The following FBXO31 variants were observed in gnomAD, a reference collection of about 807,000 sequenced individuals.
FBXO31 encodes F-box only protein 31.
In FBXO31, 24 loss-of-function variants were observed where a neutral mutation model predicts 54.4. The ratio of observed to expected loss-of-function variants is 0.44; its 90% CI spans 0.32 to 0.62. The LOEUF (loss-of-function observed/expected upper bound fraction) is 0.62, where lower values mean the gene tolerates loss of function less well. FBXO31 is among the 20% of genes least tolerant of loss of function. The pLI is 0.05. For missense variants in FBXO31, 665 were observed against 787.1 expected (o/e 0.84, Z 1.86); for synonymous variants, 388 against 335.6 (o/e 1.16, Z -1.71).
chr16:87,383,969 C>T, upstream of FBXO31: 1 of 249,822 alleles, frequency 4.0e-6, no homozygotes, highest in Non-Finnish European at 7.5e-6. This position sits in a 1 kb window ranked among gnomAD's most constrained non-coding sequence, Gnocchi z 4.9. Context: ...AGGGCGCCGC[C>T]CGTGACGGGC....
chr16:87,391,538 G>A (rs926433084), upstream of FBXO31: 2 of 152,364 alleles, frequency 1.3e-5, no homozygotes, highest in African/African-American at 4.8e-5. Context: ...AGGGCGGCTA[G>A]CGATGTGGGG....
At chr16:87,354,796 C>T (rs894721372) in intron 2 of FBXO31, among the ~76,000 whole-genome samples, 8 of 152,024 alleles carry the variant, frequency 5.3e-5, no homozygotes, top group African/African-American at 1.2e-4. Flanking sequence ...GGCAAAACCC[C>T]GTCTCTACTA....
At chr16:87,384,180 CTG>C (rs538953710), upstream of FBXO31, 2,305 of 153,030 alleles carry the variant, frequency 0.015, 55 homozygotes, top group African/African-American at 0.053. Flanking sequence ...GCGCCCGAAA[CTG>C]TGCCGCGCCG....
chr16:87,379,746 C>T (rs1906991206), intron 1 of FBXO31, among the ~76,000 whole-genome samples: 1 of 151,934 alleles, frequency 6.6e-6, no homozygotes, highest in Non-Finnish European at 1.5e-5. Flanking sequence ...CACCACCACA[C>T]CCAGCTAATT....
chr16:87,355,811 G>A (rs555402025), intron 2 of FBXO31, among the ~76,000 whole-genome samples: 62 of 152,258 alleles, frequency 4.1e-4, no homozygotes, highest in African/African-American at 1.4e-3. Context: ...CACCTGCCTC[G>A]GGGACAAAAG....
chr16:87,357,683 G>A (rs1490970718), intron 2 of FBXO31, among the ~76,000 whole-genome samples: 3 of 152,100 alleles, frequency 2.0e-5, no homozygotes, highest in African/African-American at 7.2e-5. Context: ...GGTACCTCAT[G>A]CCTGTAATCC....
intron 5 of FBXO31, among the ~76,000 whole-genome samples, chr16:87,342,502 G>C (rs1905224915): frequency 6.6e-6 from 1 of 152,194 alleles, no homozygotes; most frequent in African/African-American, 2.4e-5. Flanking sequence ...GTCTGCTCAA[G>C]GATGGGAAAC....
At position 87,334,269 on chromosome 16, in the gene FBXO31, G is replaced by T; in HGVS notation, c.1014C>A (p.Pro338=). Residue 338 remains proline, a synonymous_variant, in exon 8 of 9, where the codon CCC becomes CCA. Coordinates refer to ENST00000311635, the MANE Select transcript of FBXO31 (RefSeq NM_024735.5). The stretch of plus-strand genomic sequence containing the variant: ...CGATCTCCACTGTCTGCTGCCCAGC[G>T]GGGATGTTGGGGTCGCCCTGTGGAG... The part of the protein sequence containing the change: ...GTKITGDPNI[P]AGQQTVEIDL... 2 of 1,584,958 alleles carry T rather than the reference G, an allele frequency of 1.3e-6. No homozygotes were observed. Among genetic ancestry groups the T allele is most frequent in the Non-Finnish European group, 1.7e-6 (2 of 1,163,488 alleles).
chr16:87,377,706 G>C (rs1242682376), intron 1 of FBXO31, among the ~76,000 whole-genome samples: 1 of 149,348 alleles, frequency 6.7e-6, no homozygotes, highest in Non-Finnish European at 1.5e-5. Flanking sequence ...GTGCACGCCT[G>C]TACTCCCAGC....
At chr16:87,344,540 C>T (rs1004489754) in intron 3 of FBXO31, among the ~76,000 whole-genome samples, 2 of 152,322 alleles carry the variant, frequency 1.3e-5, no homozygotes, top group African/African-American at 4.8e-5. Flanking sequence ...GAGAGAATTC[C>T]ATCATTTCTG....
chr16:87,344,073 C>T lies in FBXO31; in HGVS notation c.490-308G>A, dbSNP rs114957480. 6.2e-3 allele frequency among the ~76,000 whole-genome samples: 938 copies of T among 152,362 alleles called. 7 individuals carry two copies. Among genetic ancestry groups the T allele is most frequent in the African/African-American group, 0.021 (886 of 41,574 alleles). On this transcript the variant is annotated intron_variant, in intron 3 of 8. Coordinates refer to ENST00000311635, the MANE Select transcript of FBXO31 (RefSeq NM_024735.5). ...ACAACAGCAGTGCAAGGGCCTCGTT[C>T]GCGTCCTGAGCTGAACAAATTGCCA...
rs548792815 is a variant in FBXO31, at chr16:87,346,049, C to A, written c.489+1125G>T. On this transcript the variant is annotated intron_variant, in intron 3 of 8. Transcript: ENST00000311635. This position sits in a 1 kb window ranked among gnomAD's most constrained non-coding sequence, Gnocchi z 4.2. ...TGAGAGGAGAAGGGGCCAAGCGAAG[C>A]GTGACTCACAAAGCCAGGAAGAGAA... Among the ~76,000 whole-genome samples the A allele has an allele frequency of 2.0e-5, 3 of 152,040 alleles. No homozygotes were observed. The highest frequency in any genetic ancestry group is 4.8e-5 in the African/African-American group (2 of 41,392).
At chr16:87,357,682 T>A (rs1223853620) in intron 2 of FBXO31, among the ~76,000 whole-genome samples, 1 of 151,906 alleles carries the variant, frequency 6.6e-6, no homozygotes, top group Non-Finnish European at 1.5e-5. Flanking sequence ...CGGTACCTCA[T>A]GCCTGTAATC....
upstream of FBXO31, chr16:87,384,098 T>A (rs1369686125): frequency 6.2e-6 from 1 of 160,886 alleles, no homozygotes; most frequent in East Asian, 1.8e-4. Context: ...ACGAGGCTGC[T>A]CGGCGACCAC....
Position 87,383,375 on chromosome 16 carries a change from C to G in FBXO31, c.340+30G>C. On this transcript the variant is annotated intron_variant, in intron 1 of 8. Coordinates refer to ENST00000311635, the MANE Select transcript of FBXO31 (RefSeq NM_024735.5). The surrounding 1 kb of genome is among the most constrained non-coding windows in gnomAD (Gnocchi z 4.9). Reference sequence around the variant, plus strand: ...TCCACCTGGCAGGGACCCCCCGCCCCTCCCGGCCCCGCCACCCCCGCGCGC... The same window carrying G: ...TCCACCTGGCAGGGACCCCCCGCCCGTCCCGGCCCCGCCACCCCCGCGCGC... The G allele has an allele frequency of 6.7e-7, 1 of 1,498,408 alleles. No homozygotes were observed. Among genetic ancestry groups the G allele is most frequent in the South Asian group, 1.2e-5 (1 of 81,858 alleles). 92.8% of individuals were successfully genotyped at this position (1,498,408 alleles called of 1,614,324 possible). A position where few individuals can be genotyped will look rare whatever the true frequency, so the allele number is the denominator to read the frequency against.
intron 1 of FBXO31, among the ~76,000 whole-genome samples, chr16:87,374,233 G>A (rs557191236): frequency 6.7e-5 from 10 of 149,950 alleles, no homozygotes; most frequent in Middle Eastern, 6.8e-3. Flanking sequence ...CAGAGGCCCT[G>A]TCTCCACAAA....
chr16:87,383,370 CG>C lies in FBXO31; in HGVS notation c.340+34del. ...AGGCCTCCACCTGGCAGGGACCCCCCGCCCCTCCCGGCCCCGCCACCCCCGC... is the reference window on the plus strand; with the variant it reads ...AGGCCTCCACCTGGCAGGGACCCCCCCCCCTCCCGGCCCCGCCACCCCCGC... On this transcript the variant is annotated intron_variant, in intron 1 of 8. Coordinates refer to ENST00000311635, the MANE Select transcript of FBXO31 (RefSeq NM_024735.5). The surrounding 1 kb of genome is among the most constrained non-coding windows in gnomAD (Gnocchi z 4.9). 325 of 1,448,982 alleles carry C rather than the reference CG, an allele frequency of 2.2e-4. No homozygotes were observed. Among genetic ancestry groups the C allele is most frequent in the Non-Finnish European group, 2.7e-4 (294 of 1,072,102 alleles). The allele number at this position is 1,448,982 out of a possible 1,614,324, so 89.8% of individuals were successfully genotyped here.
chr16:87,361,098 G>A (rs1051324864), intron 1 of FBXO31, among the ~76,000 whole-genome samples: 1 of 152,168 alleles, frequency 6.6e-6, no homozygotes, highest in Non-Finnish European at 1.5e-5. Context: ...GACCGCCAGG[G>A]ACTAATCCAC....
At position 87,378,171 on chromosome 16, in the gene FBXO31, C is replaced by A. The variant is rs1483643216; in HGVS notation, c.340+5234G>T. 1.0e-3 allele frequency among the ~76,000 whole-genome samples: 148 copies of A among 148,314 alleles called. 1 individual carries two copies. The highest frequency in any genetic ancestry group is 1.5e-3 in the Non-Finnish European group (99 of 67,016). Reference sequence around the variant, plus strand: ...CAAAACTCCATCTCAAAAAAAAAAACAAAACAAAACCAGAAATCTATCCAG... The same window carrying A: ...CAAAACTCCATCTCAAAAAAAAAAAAAAAACAAAACCAGAAATCTATCCAG... On this transcript the variant is annotated intron_variant, in intron 1 of 8. Transcript: ENST00000311635.
Sources: allele counts gnomAD v4.1 joint callset (sites outside exome capture counted in the v4.1 genomes callset), GRCh38; gene constraint gnomAD v4.1.1; non-coding constraint Gnocchi (gnomAD v3.1); transcripts MANE v1.5; gene names NCBI Gene and HGNC (gene_info 2026-07-23, HGNC 2026-07-21).